NCKAP1: variants seen among roughly 807,000 people sequenced by gnomAD.
The protein encoded by NCKAP1 is NCK associated protein 1.
Under a neutral mutation model 151.2 loss-of-function variants are expected in NCKAP1, and 21 were observed. That is an observed-to-expected ratio of 0.14 (90% CI 0.10 to 0.20). NCKAP1 has a LOEUF of 0.20. Among genes scored for constraint, NCKAP1 ranks in the 10% least tolerant of loss-of-function variants. NCKAP1 has a pLI of 1.00. For synonymous variants in NCKAP1, 484 were observed against 451.8 expected, an observed-to-expected ratio of 1.07 and a Z score of -0.90; for missense variants, 933 against 1,352.1, an observed-to-expected ratio of 0.69 and a Z score of 4.86.
intron 27 of NCKAP1, among the ~76,000 whole-genome samples, chr2:182,929,954 T>C (rs2105799398): frequency 6.6e-6 from 1 of 152,112 alleles, no homozygotes; most frequent in Middle Eastern, 3.4e-3. Context: ...TATATAAAAC[T>C]CTTGATGGTG....
chr2:183,005,356 G>A (rs1413023084), intron 2 of NCKAP1, among the ~76,000 whole-genome samples: 3 of 151,814 alleles, frequency 2.0e-5, no homozygotes, highest in African/African-American at 4.8e-5. Flanking sequence ...TAAATAATAC[G>A]GTCACCATCT....
chr2:183,025,017 A>G, intron 1 of NCKAP1: 2 of 1,609,732 alleles, frequency 1.2e-6, no homozygotes, highest in Non-Finnish European at 1.7e-6. Flanking sequence ...TTGTAATAAA[A>G]AGAGAGAAAA....
chr2:183,005,498 C>A (rs559775987), intron 2 of NCKAP1, among the ~76,000 whole-genome samples: 8 of 152,264 alleles, frequency 5.3e-5, no homozygotes, highest in African/African-American at 1.7e-4. Context: ...GAAATCTCAT[C>A]TCTTTACTTC....
In NCKAP1 at chr2:182,935,385, AAGAAAC is replaced by A; in HGVS notation, c.2696-16_2696-11del. 6.7e-7 allele frequency: 1 copy of A among 1,500,256 alleles called. No individual in the cohort carries two copies. Among genetic ancestry groups the A allele is most frequent in the South Asian group, 1.3e-5 (1 of 75,970 alleles). 92.9% of individuals were successfully genotyped at this position (1,500,256 alleles called of 1,614,324 possible). A position where few individuals can be genotyped will look rare whatever the true frequency, so the allele number is the denominator to read the frequency against. The stretch of plus-strand genomic sequence containing the variant: ...AAGACACTGTCAACAGCTAAATTCA[AAGAAAC>A]AGAAGGAGAAGAGAATAAAAAAGTG... On this transcript the variant is annotated splice_polypyrimidine_tract_variant and intron_variant, in intron 24 of 30. Coordinates refer to ENST00000361354, the MANE Select transcript of NCKAP1 (RefSeq NM_013436.5).
At chr2:182,932,638 T>C (rs1696788604) in intron 26 of NCKAP1, among the ~76,000 whole-genome samples, 1 of 151,962 alleles carries the variant, frequency 6.6e-6, no homozygotes, top group Non-Finnish European at 1.5e-5. Flanking sequence ...ATAAAGCTGT[T>C]TAAAAACATG....
intron 15 of NCKAP1, among the ~76,000 whole-genome samples, 160 bp from the exon 16 acceptor site, chr2:182,967,521 T>G (rs1697597703): frequency 6.6e-6 from 1 of 152,188 alleles, no homozygotes; most frequent in African/African-American, 2.4e-5. Context: ...GACCCTACCT[T>G]GAAATTCCTA....
At chr2:182,935,795 G>A (rs987228477) in intron 24 of NCKAP1, among the ~76,000 whole-genome samples, 6 of 152,020 alleles carry the variant, frequency 3.9e-5, no homozygotes, top group Admixed American at 1.3e-4. Context: ...ATCCTCAAGC[G>A]GCCCAGGAAC....
At chr2:182,976,810 CAAT>C in intron 15 of NCKAP1, 80 bp downstream of exon 15, 1 of 799,868 alleles carries the variant, frequency 1.3e-6, no homozygotes. Flanking sequence ...AGGTATATAA[CAAT>C]GAATATTTTA....
intron 23 of NCKAP1, among the ~76,000 whole-genome samples, chr2:182,943,501 C>T (rs1697038599): frequency 6.6e-6 from 1 of 152,026 alleles, no homozygotes; most frequent in African/African-American, 2.4e-5. Context: ...CAAAACTCTC[C>T]AAATCTAAAA....
intron 17 of NCKAP1, among the ~76,000 whole-genome samples, chr2:182,964,377 G>A (rs1164502819): frequency 6.6e-6 from 1 of 152,068 alleles, no homozygotes; most frequent in Admixed American, 6.6e-5. Flanking sequence ...GGAAAATTAA[G>A]TATACAAAAT....
intron 14 of NCKAP1, 149 bp from the exon 15 acceptor site, chr2:182,977,100 C>G (rs1267024389): frequency 2.3e-6 from 1 of 443,296 alleles, no homozygotes; most frequent in East Asian, 3.6e-5. Flanking sequence ...GATATATGTA[C>G]ACCCATGTTC....
chr2:182,981,630 C>T (rs948977547), intron 12 of NCKAP1, among the ~76,000 whole-genome samples: 1 of 151,774 alleles, frequency 6.6e-6, no homozygotes, highest in African/African-American at 2.4e-5. Context: ...TAAGCAGGGC[C>T]GGGCACAGTG....
chr2:182,956,386 T>A, intron 20 of NCKAP1, 76 bp downstream of exon 20: 5 of 1,517,544 alleles, frequency 3.3e-6, no homozygotes, highest in Non-Finnish European at 4.5e-6. Flanking sequence ...ATGCTTTTCC[T>A]TATAAAACAC....
At chr2:183,030,668 G>C (rs1698989104) in intron 1 of NCKAP1, among the ~76,000 whole-genome samples, 1 of 151,996 alleles carries the variant, frequency 6.6e-6, no homozygotes, top group African/African-American at 2.4e-5. Context: ...AGGAATAAAG[G>C]GACAAAGATT....
Position 183,038,074 on chromosome 2 carries a change from C to T in NCKAP1, c.26G>A (p.Ser9Asn), listed in dbSNP as rs899018427. 11 of 1,588,036 alleles carry T rather than the reference C, an allele frequency of 6.9e-6. No individual in the cohort carries two copies. Among genetic ancestry groups the T allele is most frequent in the Non-Finnish European group, 9.4e-6 (11 of 1,174,254 alleles). The part of the protein sequence containing the change: MSRSVLQP[S>N]QQKLAEKLTI... ...GAGCTTCTCCGCCAGCTTCTGCTGA[C>T]TGGGCTGCAGCACTGAGCGCGACAT... is the stretch of plus-strand genomic sequence containing the variant. The change falls in exon 1 of 31, where the codon AGT becomes AAT. Residue 9 changes from serine (S) to asparagine (N), a missense_variant. Ser to Asn is a conservative substitution (Grantham distance 46, BLOSUM62 1). Coordinates refer to ENST00000361354, the MANE Select transcript of NCKAP1 (RefSeq NM_013436.5).
rs547825723 is a variant in NCKAP1 at position 182,988,894 on chromosome 2, C to G, written c.947+136G>C. On this transcript the variant is annotated intron_variant, in intron 9 of 30. Transcript: ENST00000361354. ...TCAGGATGACTGTTAAAAACAACTT[C>G]CTGGGATCCAAGTCAGATGGTATAG... 50 of 621,304 alleles carry G rather than the reference C, an allele frequency of 8.0e-5. No homozygotes were observed. In the Middle Eastern group the frequency reaches 1.8e-3, roughly 22 times the overall value. The allele number at this position is 621,304 out of a possible 1,614,324, so 38.5% of individuals were successfully genotyped here.
intron 16 of NCKAP1, among the ~76,000 whole-genome samples, chr2:182,966,006 C>G (rs1697562450): frequency 6.6e-6 from 1 of 152,152 alleles, no homozygotes; most frequent in African/African-American, 2.4e-5. Flanking sequence ...TGCAATACTG[C>G]TAATTCAAGC....
rs1362470179 is a variant in NCKAP1, at chr2:182,918,448, C to T, written c.*7254G>A. 2 of 152,052 alleles carry T rather than the reference C, an allele frequency of 1.3e-5. No homozygotes were observed. Among genetic ancestry groups the T allele is most frequent in the Admixed American group, 6.6e-5 (1 of 15,258 alleles). The allele number at this position is 152,052 out of a possible 1,614,324, so 9.4% of individuals were successfully genotyped here. ...GGAACCAACCTAAGTGCCCACTGACCAATGAGTGGACAAAGAAAGTGTGGT... is the reference window on the plus strand; with the variant it reads ...GGAACCAACCTAAGTGCCCACTGACTAATGAGTGGACAAAGAAAGTGTGGT... On this transcript the variant is annotated 3_prime_UTR_variant, in exon 31 of 31. Coordinates refer to ENST00000361354, the MANE Select transcript of NCKAP1 (RefSeq NM_013436.5).
intron 4 of NCKAP1, among the ~76,000 whole-genome samples, 188 bp downstream of exon 4, chr2:183,002,784 TAC>T (rs1698398520): frequency 6.6e-6 from 1 of 152,032 alleles, no homozygotes; most frequent in African/African-American, 2.4e-5. Context: ...ACAAGACTTA[TAC>T]TCAGTGACAA....
Sources: allele counts gnomAD v4.1 joint callset (sites outside exome capture counted in the v4.1 genomes callset), GRCh38; gene constraint gnomAD v4.1.1; transcripts MANE v1.5; gene names NCBI Gene and HGNC (gene_info 2026-07-23, HGNC 2026-07-21).